UNC80: variants seen among roughly 807,000 people sequenced by gnomAD.
The protein encoded by UNC80 is unc-80 subunit of NALCN channel complex, also known as protein unc-80 homolog.
A neutral mutation model predicts 384.6 loss-of-function variants in UNC80; 164 were observed. The ratio of observed to expected loss-of-function variants is 0.43; its 90% confidence interval spans 0.38 to 0.49. UNC80 has a LOEUF of 0.49. Ranked by LOEUF, UNC80 falls within the 20% of genes least tolerant of loss-of-function variation. UNC80 has a pLI of 0.00. For synonymous variants in UNC80, 1,486 were observed against 1,527.8 expected (o/e 0.97, Z 0.64); for missense variants, 3,330 against 4,143.0 (o/e 0.80, Z 5.39).
chr2:209,939,558 C>G lies in UNC80; in HGVS notation c.6552C>G (p.Ser2184=), dbSNP rs1474052145. The change falls in exon 43 of 65, where the codon TCC becomes TCG. Residue 2184 remains serine (S), a synonymous_variant. Coordinates refer to ENST00000673920, the MANE Select transcript of UNC80 (RefSeq NM_001371986.1). ...AGATCCCCACAGCCCACAAACAGTC[C>G]CACGTCTCCATGCTTCAGGAAGACC... ...TQKIPTAHKQ[S]HVSMLQEDLL... is the part of the protein sequence containing the mutation. 1.3e-6 allele frequency: 2 copies of G among 1,551,654 alleles called. No individual in the cohort carries two copies. Among genetic ancestry groups the G allele is most frequent in the Non-Finnish European group, 1.7e-6 (2 of 1,146,962 alleles).
intron 28 of UNC80, among the ~76,000 whole-genome samples, chr2:209,903,955 A>G (rs2087860180): frequency 6.6e-6 from 1 of 152,060 alleles, no homozygotes; most frequent in Non-Finnish European, 1.5e-5. Flanking sequence ...AGTTTCATGA[A>G]GGATGGAAGC....
At position 209,959,731 on chromosome 2, in the gene UNC80, C is replaced by T. The variant is rs1467383489; in HGVS notation, c.7805+24C>T. The T allele has an allele frequency of 1.9e-6, 3 of 1,546,748 alleles. No homozygotes were observed. In the South Asian group the frequency reaches 3.6e-5, roughly 19 times the overall value. ...AGGTACTGGCCTCGCTTTCCCTGCC[C>T]CAAGTGTGAACACAGCTTGGCCCAT... is the stretch of plus-strand genomic sequence containing the variant. On this transcript the variant is annotated intron_variant, in intron 51 of 64. Transcript: ENST00000673920.
chr2:209,837,910 T>C (rs1388426350), intron 18 of UNC80, among the ~76,000 whole-genome samples: 1 of 152,050 alleles, frequency 6.6e-6, no homozygotes, highest in Non-Finnish European at 1.5e-5. Context: ...TAGCTGGGAC[T>C]ACAGGCGCCC....
Position 209,880,955 on chromosome 2 carries a change from TCCTAGGTA to T in UNC80, c.3977-4_3980del. Reference sequence around the variant, plus strand: ...CTCCTTATGAAAGAACACTTTCATTTCCTAGGTACTGTGAACCCCTCTAAATGCGGTTG... The same window carrying T: ...CTCCTTATGAAAGAACACTTTCATTTCTGTGAACCCCTCTAAATGCGGTTG... On this transcript the variant is annotated splice_acceptor_variant and splice_polypyrimidine_tract_variant and coding_sequence_variant and intron_variant, in exon 25 of 65. Coordinates refer to ENST00000673920, the MANE Select transcript of UNC80 (RefSeq NM_001371986.1). LOFTEE classifies it high-confidence loss of function. 1 of 1,551,352 alleles carries T rather than the reference TCCTAGGTA, an allele frequency of 6.4e-7. No homozygotes were observed. Among genetic ancestry groups the T allele is most frequent in the Non-Finnish European group, 8.7e-7 (1 of 1,146,834 alleles).
chr2:209,849,346 C>A, intron 21 of UNC80, 105 bp from the exon 22 acceptor site: 1 of 1,304,628 alleles, frequency 7.7e-7, no homozygotes, highest in Non-Finnish European at 1.0e-6. Context: ...GTTTTCTGGC[C>A]AACACTGTAG....
intron 38 of UNC80, 82 bp from the exon 39 acceptor site, chr2:209,933,740 T>G: frequency 1.5e-6 from 2 of 1,313,890 alleles, no homozygotes; most frequent in South Asian, 3.1e-5. Context: ...AGGTCGAGTT[T>G]AAAACAAGAA....
intron 13 of UNC80, among the ~76,000 whole-genome samples, chr2:209,825,193 C>G (rs1483818523): frequency 6.6e-6 from 1 of 152,118 alleles, no homozygotes; most frequent in African/African-American, 2.4e-5. Flanking sequence ...CAACTGCTTC[C>G]TTATGCTTCT....
chr2:209,871,202 G>A (rs527974280), intron 22 of UNC80, among the ~76,000 whole-genome samples: 1 of 152,128 alleles, frequency 6.6e-6, no homozygotes, highest in Admixed American at 6.6e-5. Context: ...ATTTCTACTT[G>A]CACTCTACAA....
rs982415079 is a variant in UNC80, at chr2:209,812,928, A to G, written c.939-652A>G. On this transcript the variant is annotated intron_variant, in intron 7 of 64. Transcript: ENST00000673920. ...GAATCCCAGGAACTTGAGATTTTTA[A>G]AAAATTAGTCTTGCTCTCTTGCAAG... is the stretch of plus-strand genomic sequence containing the variant. Among the ~76,000 whole-genome samples the G allele has an allele frequency of 1.1e-4, 16 of 152,326 alleles. 1 individual carries two copies. The highest frequency in any genetic ancestry group is 5.9e-4 in the Admixed American group (9 of 15,300).
Position 209,817,893 on chromosome 2 carries a change from C to T in UNC80, c.1634C>T (p.Thr545Ile). Residue 545 changes from threonine (T) to isoleucine (I), a missense_variant, in exon 11 of 65, where the codon ACC becomes ATC. This residue lies in a region of UNC80 where 937 missense variants were observed against 1,026.8 expected (regional missense o/e 0.91). Transcript: ENST00000673920. The part of the protein sequence containing the change: ...LSARHSHSHH[T>I]LVSDLPDPSN... ...GCCAGGCATTCCCACTCCCATCACA[C>T]CCTGGTAAGCGACCTGCCGGACCCC... 1 of 1,551,648 alleles carries T rather than the reference C, an allele frequency of 6.4e-7. No individual in the cohort carries two copies. The highest frequency in any genetic ancestry group is 8.7e-7 in the Non-Finnish European group (1 of 1,146,994).
In UNC80 at chr2:209,819,215, A is replaced by G; in HGVS notation, c.1916A>G (p.Asp639Gly). 6.4e-7 allele frequency: 1 copy of G among 1,551,796 alleles called. No homozygotes were observed. Among genetic ancestry groups the G allele is most frequent in the Non-Finnish European group, 8.7e-7 (1 of 1,147,008 alleles). ...YSYLEDTEHI[D>G]GTNNFVHKNG... ...TACCTAGAGGACACAGAACATATTG[A>G]CGGGACCAATAACTTTGTCCACAAG... is the stretch of plus-strand genomic sequence containing the variant. Residue 639 changes from aspartate (D) to glycine (G), a missense_variant, in exon 12 of 65, where the codon GAC becomes GGC. Coordinates refer to ENST00000673920, the MANE Select transcript of UNC80 (RefSeq NM_001371986.1).
At chr2:209,962,257 G>T (rs1301744479) in intron 51 of UNC80, among the ~76,000 whole-genome samples, 1 of 152,096 alleles carries the variant, frequency 6.6e-6, no homozygotes, top group East Asian at 1.9e-4. Context: ...TGGTTTCAAT[G>T]ACTTGCTTTG....
At chr2:209,980,941 C>T (rs2093142180) in intron 59 of UNC80, among the ~76,000 whole-genome samples, 1 of 152,122 alleles carries the variant, frequency 6.6e-6, no homozygotes, top group Admixed American at 6.5e-5. Context: ...TTTTAAGACA[C>T]ATTTGTTTAT....
rs1363690783 is a variant in UNC80 at position 209,939,660 on chromosome 2, A to G, written c.6646+8A>G. 1 of 1,532,050 alleles carries G rather than the reference A, an allele frequency of 6.5e-7. No homozygotes were observed. Among genetic ancestry groups the G allele is most frequent in the African/African-American group, 1.4e-5 (1 of 72,576 alleles). The allele number at this position is 1,532,050 out of a possible 1,614,324, so 94.9% of individuals were successfully genotyped here. A position where few individuals can be genotyped will look rare whatever the true frequency, so the allele number is the denominator to read the frequency against. ...TCTTCAGTGATCCTCAAGGTATCAA[A>G]CAAAGAAACATTGCCTCTCTGGGGC... On this transcript the variant is annotated splice_region_variant and intron_variant, in intron 43 of 64. Coordinates refer to ENST00000673920, the MANE Select transcript of UNC80 (RefSeq NM_001371986.1).
At chr2:209,944,694 C>T (rs755739244) in intron 45 of UNC80, among the ~76,000 whole-genome samples, 12 of 152,008 alleles carry the variant, frequency 7.9e-5, no homozygotes, top group South Asian at 4.2e-4. Context: ...GCATACATTC[C>T]GCAAACATAT....
chr2:209,906,223 A>G (rs528090498), intron 29 of UNC80, among the ~76,000 whole-genome samples: 1 of 152,202 alleles, frequency 6.6e-6, no homozygotes, highest in Admixed American at 6.5e-5. Context: ...GCAATTTGTT[A>G]TACCTTAGTG....
intron 27 of UNC80, 73 bp from the exon 28 acceptor site, chr2:209,896,240 C>T (rs2086784853): frequency 7.5e-7 from 1 of 1,340,744 alleles, no homozygotes; most frequent in African/African-American, 1.4e-5. Flanking sequence ...GAAGCATGGA[C>T]AACTGTACCA....
At chr2:209,809,811 G>C (rs1449613635) in intron 7 of UNC80, among the ~76,000 whole-genome samples, 1 of 152,172 alleles carries the variant, frequency 6.6e-6, no homozygotes, top group Non-Finnish European at 1.5e-5. Flanking sequence ...CCTTCCCGTG[G>C]CCATGTCTGT....
chr2:209,938,141 G>C (rs911288238), intron 42 of UNC80, among the ~76,000 whole-genome samples: 3 of 152,124 alleles, frequency 2.0e-5, no homozygotes, highest in African/African-American at 7.2e-5. Flanking sequence ...TCTTGAAACA[G>C]GAAGAGATAT....
Sources: allele counts gnomAD v4.1 joint callset (sites outside exome capture counted in the v4.1 genomes callset), GRCh38; gene constraint gnomAD v4.1.1; regional missense constraint gnomAD v4.1.1; transcripts MANE v1.5; gene names NCBI Gene and HGNC (gene_info 2026-07-23, HGNC 2026-07-21).